The following SAXO1 variants were observed in gnomAD, a reference collection of about 807,000 sequenced individuals.
The protein encoded by SAXO1 is 4930500O09Rik.
Under a neutral mutation model 17.5 loss-of-function variants are expected in SAXO1, and 21 were observed. The observed-to-expected ratio is 1.20, with a 90% CI of 0.85 to 1.72. The LOEUF (loss-of-function observed/expected upper bound fraction) is 1.72. SAXO1 is among the 40% of genes most tolerant of loss of function. The pLI is 0.00. For synonymous variants in SAXO1, 274 were observed against 216.5 expected (o/e 1.27, Z -2.33); for missense variants, 843 against 596.0 (o/e 1.41, Z -4.32).
chr9:18,946,968 G>C (rs2131718621), intron 2 of SAXO1, among the ~76,000 whole-genome samples: 1 of 152,282 alleles, frequency 6.6e-6, no homozygotes, highest in South Asian at 2.1e-4. Context: ...AGAGGACGGG[G>C]AGAAAAGATT....
At chr9:18,970,081 G>T (rs1211656236) in intron 1 of SAXO1, among the ~76,000 whole-genome samples, 1 of 152,226 alleles carries the variant, frequency 6.6e-6, no homozygotes, top group Non-Finnish European at 1.5e-5. Context: ...TACTAAGCTT[G>T]CAAGTGGATG....
chr9:19,003,405 T>A (rs1253408310), intron 1 of SAXO1, among the ~76,000 whole-genome samples: 2 of 152,134 alleles, frequency 1.3e-5, no homozygotes, highest in Non-Finnish European at 2.9e-5. Flanking sequence ...TTAAAGCTCA[T>A]ATGGAACCAA....
intron 1 of SAXO1, among the ~76,000 whole-genome samples, chr9:19,004,699 C>T (rs1834418600): frequency 6.6e-6 from 1 of 152,072 alleles, no homozygotes; most frequent in Non-Finnish European, 1.5e-5. Flanking sequence ...GGGAACATCA[C>T]ACCCTGGGGG....
At position 18,928,253 on chromosome 9, in the gene SAXO1, G is replaced by T. The variant is rs758671299; in HGVS notation, c.1224C>A (p.Tyr408Ter). The T allele has an allele frequency of 6.2e-7, 1 of 1,613,450 alleles. No individual in the cohort carries two copies. The highest frequency in any genetic ancestry group is 1.7e-5 in the Admixed American group (1 of 60,002). ...TTTCCTTGGGAGTAAAGCTGATGGT[G>T]TAGGTGGTCTGGCTTTCCACAGGGA... ...GNVPVESQTT[Y>*]TISFTPKEMG... is the part of the protein sequence containing the mutation. The change falls in exon 4 of 4, where the codon TAC becomes TAA. Residue 408 changes from tyrosine (Y) to a stop codon, truncating the protein, a stop_gained. Transcript: ENST00000380534. LOFTEE classifies it high-confidence loss of function.
At chr9:18,988,598 G>A (rs765401809) in intron 1 of SAXO1, among the ~76,000 whole-genome samples, 31 of 152,108 alleles carry the variant, frequency 2.0e-4, no homozygotes, top group East Asian at 7.7e-4. Context: ...CATTTTATAC[G>A]TTGAATGTAT....
intron 1 of SAXO1, among the ~76,000 whole-genome samples, chr9:18,962,421 G>A (rs1217097570): frequency 2.0e-5 from 3 of 152,148 alleles, no homozygotes; most frequent in African/African-American, 7.2e-5. Context: ...TTTTTCATAT[G>A]TTTGTTTGGC....
rs1285941318 is a variant in SAXO1 at position 18,952,677 on chromosome 9, G to A, written c.39-1740C>T. 2.6e-5 allele frequency among the ~76,000 whole-genome samples: 4 copies of A among 152,316 alleles called. 1 individual carries two copies. In the East Asian group the frequency reaches 7.7e-4, roughly 29 times the overall value. ...TGATTTACTTTGTATTATAAAAGCA[G>A]TATTGATTCATGGTAAATATTTTAG... On this transcript the variant is annotated intron_variant, in intron 1 of 3. Transcript: ENST00000380534.
At chr9:18,995,823 T>C (rs1833977599) in intron 1 of SAXO1, among the ~76,000 whole-genome samples, 1 of 152,246 alleles carries the variant, frequency 6.6e-6, no homozygotes, top group Non-Finnish European at 1.5e-5. Context: ...CTTTTGCCTG[T>C]AATCCCAGCA....
At chr9:19,039,959 C>A (rs1394647479) in intron 1 of SAXO1, among the ~76,000 whole-genome samples, 1 of 152,210 alleles carries the variant, frequency 6.6e-6, no homozygotes, top group Non-Finnish European at 1.5e-5. Flanking sequence ...GAACTCCTCA[C>A]CTCAGGTGAT....
intron 1 of SAXO1, among the ~76,000 whole-genome samples, chr9:19,000,624 G>A (rs532473922): frequency 6.6e-6 from 1 of 152,228 alleles, no homozygotes; most frequent in Admixed American, 6.5e-5. Context: ...AACCCTCCAA[G>A]TGTGAAGTGA....
intron 1 of SAXO1, among the ~76,000 whole-genome samples, chr9:19,030,360 G>A (rs553886576): frequency 3.3e-5 from 5 of 152,136 alleles, no homozygotes; most frequent in Non-Finnish European, 5.9e-5. Context: ...GGAATAAAAG[G>A]GAAGGGACCA....
chr9:19,011,593 G>T (rs1834732483), intron 1 of SAXO1, among the ~76,000 whole-genome samples: 1 of 152,156 alleles, frequency 6.6e-6, no homozygotes, highest in Non-Finnish European at 1.5e-5. Context: ...GGAAAGTAGG[G>T]TCAAAACTAG....
intron 1 of SAXO1, among the ~76,000 whole-genome samples, chr9:19,003,479 C>A (rs1343847094): frequency 6.6e-6 from 1 of 152,168 alleles, no homozygotes. Context: ...CATCATGCTA[C>A]CTGACTTCAA....
At chr9:18,975,616 T>C (rs147445186) in intron 1 of SAXO1, among the ~76,000 whole-genome samples, 26 of 152,316 alleles carry the variant, frequency 1.7e-4, no homozygotes, top group African/African-American at 5.3e-4. Flanking sequence ...ACTCCAGGCA[T>C]AGTGACTAGT....
chr9:19,034,273 T>TGG (rs35905857), upstream of SAXO1, among the ~76,000 whole-genome samples: 49 of 151,638 alleles, frequency 3.2e-4, no homozygotes, highest in African/African-American at 1.1e-3. Context: ...TCTTTTTGTG[T>TGG]GGGGGGGGTT....
At chr9:18,934,387 G>A (rs1797688506) in intron 3 of SAXO1, among the ~76,000 whole-genome samples, 1 of 152,064 alleles carries the variant, frequency 6.6e-6, no homozygotes, top group Admixed American at 6.6e-5. Flanking sequence ...TTCAGATTGG[G>A]AATCTCTATT....
chr9:18,953,140 C>T (rs1832107453), intron 1 of SAXO1, among the ~76,000 whole-genome samples: 1 of 152,178 alleles, frequency 6.6e-6, no homozygotes, highest in South Asian at 2.1e-4. Flanking sequence ...ACCAAAAATA[C>T]CTCTGCATGT....
intron 1 of SAXO1, among the ~76,000 whole-genome samples, chr9:18,969,393 G>A (rs1042533396): frequency 2.0e-5 from 3 of 152,042 alleles, no homozygotes; most frequent in African/African-American, 4.8e-5. Context: ...TGTGAATTTC[G>A]GATGAAACCC....
At chr9:19,040,208 T>G (rs981437288) in intron 1 of SAXO1, among the ~76,000 whole-genome samples, 15 of 152,238 alleles carry the variant, frequency 9.9e-5, no homozygotes, top group African/African-American at 3.6e-4. Context: ...GGGTAGAGTT[T>G]ACATGCTTTT....
Sources: gnomAD v4.1 joint callset for allele counts (sites outside exome capture counted in the v4.1 genomes callset) on GRCh38, gnomAD v4.1.1 for gene constraint, MANE v1.5 for transcripts, NCBI Gene and HGNC (gene_info 2026-07-23, HGNC 2026-07-21) for gene names.